The following NRXN1 variants were observed in gnomAD, a reference collection of about 807,000 sequenced individuals.
NRXN1 encodes neurexin-1.
In NRXN1, 39 loss-of-function variants were observed where a neutral mutation model predicts 150.9. The ratio of observed to expected loss-of-function variants is 0.26; its 90% CI spans 0.20 to 0.34. The LOEUF is 0.34. Among genes scored for constraint, NRXN1 ranks in the 10% least tolerant of loss-of-function variants. The pLI, the probability that NRXN1 is intolerant of heterozygous loss-of-function variation, is 1.00. For synonymous variants in NRXN1, 924 were observed against 757.0 expected (o/e 1.22, Z -3.62); for missense variants, 1,815 against 1,949.9 (o/e 0.93, Z 1.30).
chr2:50,288,990 G>T (rs1030880775), intron 17 of NRXN1, among the ~76,000 whole-genome samples: 2 of 150,462 alleles, frequency 1.3e-5, no homozygotes, highest in East Asian at 2.0e-4. Flanking sequence ...AGAGAAGCTC[G>T]TAAGAAAGGT....
rs1482652144 is a variant in NRXN1, at chr2:50,566,424, T to TG, written c.1321-13400_1321-13399insC. On this transcript the variant is annotated intron_variant, in intron 8 of 22. Transcript: ENST00000401669. The stretch of plus-strand genomic sequence containing the variant: ...ACGCCCAGCTATTTTTTTTTTTTTT[T>TG]TTGTATTTTTAATAGATACAGGGTT... Among the ~76,000 whole-genome samples, 3 of 150,934 alleles carry TG rather than the reference T, an allele frequency of 2.0e-5. No homozygotes were observed. In the East Asian group the frequency reaches 5.9e-4, roughly 29 times the overall value.
chr2:50,649,612 C>A (rs1421226570), intron 5 of NRXN1, among the ~76,000 whole-genome samples: 1 of 151,966 alleles, frequency 6.6e-6, no homozygotes, highest in East Asian at 1.9e-4. Flanking sequence ...CTGTTTCTGA[C>A]AATGATTTTT....
intron 5 of NRXN1, among the ~76,000 whole-genome samples, chr2:50,816,717 G>C (rs1227349133): frequency 6.6e-6 from 1 of 152,016 alleles, no homozygotes; most frequent in Non-Finnish European, 1.5e-5. Flanking sequence ...AAAGATTCTG[G>C]CCCTGATGCA....
chr2:50,621,665 T>TCCACCCTGGC (rs1039142550), intron 6 of NRXN1, among the ~76,000 whole-genome samples: 1 of 152,004 alleles, frequency 6.6e-6, no homozygotes, highest in African/African-American at 2.4e-5. Context: ...TGACCCCTCC[T>TCCACCCTGGC]CCACCCTGGC....
intron 17 of NRXN1, among the ~76,000 whole-genome samples, chr2:50,271,826 T>G (rs557878904): frequency 6.6e-6 from 1 of 152,122 alleles, no homozygotes; most frequent in East Asian, 1.9e-4. Flanking sequence ...AAACAAAATT[T>G]TTTAAAAAGA....
chr2:50,448,458 A>G (rs973531981), intron 17 of NRXN1, among the ~76,000 whole-genome samples: 2 of 152,172 alleles, frequency 1.3e-5, no homozygotes, highest in African/African-American at 4.8e-5. Context: ...GGAGATGATA[A>G]TGTTGCACAA....
chr2:49,992,286 T>A (rs1279870397), intron 21 of NRXN1, among the ~76,000 whole-genome samples: 1 of 151,808 alleles, frequency 6.6e-6, no homozygotes, highest in Non-Finnish European at 1.5e-5. Flanking sequence ...ATGCCTGTAA[T>A]CCCAGCACTT....
rs546348813 is a variant in NRXN1, at chr2:50,863,128, G to A, written c.832+58741C>T. Among the ~76,000 whole-genome samples, 217 of 151,370 alleles carry A rather than the reference G, an allele frequency of 1.4e-3. 6 individuals are homozygous for A. In the South Asian group the frequency reaches 0.044, roughly 31 times the overall value. On this transcript the variant is annotated intron_variant, in intron 5 of 22. Transcript: ENST00000401669. ...ACTGACTATCATATTTGGTAAGGTA[G>A]TTTATAAAGGGGTTTAGAAAGTTAC... is the stretch of plus-strand genomic sequence containing the variant.
intron 5 of NRXN1, among the ~76,000 whole-genome samples, chr2:50,719,473 G>C (rs760076167): frequency 1.3e-5 from 2 of 151,928 alleles, no homozygotes; most frequent in Non-Finnish European, 2.9e-5. Context: ...TCAGGAGTTC[G>C]AGACCAGCCT....
At chr2:50,325,253 A>G (rs2076310060) in intron 17 of NRXN1, among the ~76,000 whole-genome samples, 1 of 152,224 alleles carries the variant, frequency 6.6e-6, no homozygotes, top group Non-Finnish European at 1.5e-5. Context: ...TAACTAAGTA[A>G]AGATGTAGAC....
At chr2:50,570,631 C>T (rs186077617) in intron 8 of NRXN1, among the ~76,000 whole-genome samples, 1 of 152,126 alleles carries the variant, frequency 6.6e-6, no homozygotes, top group African/African-American at 2.4e-5. Context: ...ACATGTGTCT[C>T]ACTGGTCAAA....
chr2:50,421,136 G>A (rs951741206), intron 17 of NRXN1, among the ~76,000 whole-genome samples: 10 of 151,606 alleles, frequency 6.6e-5, no homozygotes, highest in Non-Finnish European at 5.9e-5. Context: ...TTTTTTTTCC[G>A]GGTATTTTTC....
intron 5 of NRXN1, among the ~76,000 whole-genome samples, chr2:50,775,529 A>T (rs1325325955): frequency 6.6e-6 from 1 of 152,172 alleles, no homozygotes; most frequent in Non-Finnish European, 1.5e-5. Context: ...ATGCTTTGAG[A>T]ATCCCTAAGT....
In NRXN1 at chr2:49,919,718, G is replaced by T. The variant is rs1284885417; in HGVS notation, c.*2226C>A. ...AAAAAAATGAAAATCTAGAAAAGAAGCAATGGATATTAAATTTTCATTTTA... is the reference window on the plus strand; with the variant it reads ...AAAAAAATGAAAATCTAGAAAAGAATCAATGGATATTAAATTTTCATTTTA... On this transcript the variant is annotated 3_prime_UTR_variant, in exon 23 of 23. Transcript: ENST00000401669. 1.3e-5 allele frequency: 2 copies of T among 152,026 alleles called. No homozygotes were observed. Among genetic ancestry groups the T allele is most frequent in the Non-Finnish European group, 2.9e-5 (2 of 67,964 alleles). The allele number at this position is 152,026 out of a possible 1,614,324, so 9.4% of individuals were successfully genotyped here.
chr2:50,428,319 G>C (rs916877721), intron 17 of NRXN1, among the ~76,000 whole-genome samples: 2 of 152,122 alleles, frequency 1.3e-5, no homozygotes, highest in Non-Finnish European at 2.9e-5. Flanking sequence ...GGAGGCTGAG[G>C]TGGGAAGATC....
intron 17 of NRXN1, among the ~76,000 whole-genome samples, chr2:50,435,665 T>C (rs1305206087): frequency 6.6e-6 from 1 of 152,110 alleles, no homozygotes; most frequent in Non-Finnish European, 1.5e-5. Flanking sequence ...TACCCAATAA[T>C]GGGATTGCTG....
At chr2:50,885,623 T>C (rs775885343) in intron 5 of NRXN1, among the ~76,000 whole-genome samples, 2 of 151,460 alleles carry the variant, frequency 1.3e-5, no homozygotes, top group Non-Finnish European at 3.0e-5. Context: ...TCCCAGGAGA[T>C]ATGAAGTCAT....
intron 17 of NRXN1, among the ~76,000 whole-genome samples, chr2:50,368,802 A>G (rs1193684739): frequency 6.6e-6 from 1 of 152,030 alleles, no homozygotes; most frequent in Non-Finnish European, 1.5e-5. Context: ...GATGATACTC[A>G]ACATACATGA....
chr2:50,865,665 T>TTTTG (rs1559368623), intron 5 of NRXN1, among the ~76,000 whole-genome samples: 1 of 130,296 alleles, frequency 7.7e-6, no homozygotes, highest in East Asian at 2.2e-4. Flanking sequence ...AAAGTTTTTT[T>TTTTG]TTTTTTTTTT....
Sources: allele counts gnomAD v4.1 joint callset (sites outside exome capture counted in the v4.1 genomes callset), GRCh38; gene constraint gnomAD v4.1.1; transcripts MANE v1.5; gene names NCBI Gene and HGNC (gene_info 2026-07-23, HGNC 2026-07-21).